SOX5: variants seen among roughly 807,000 people sequenced by gnomAD.
The protein encoded by SOX5 is transcription factor SOX-5.
Under a neutral mutation model 92.0 loss-of-function variants are expected in SOX5, and 9 were observed. The observed-to-expected ratio is 0.10, with a 90% CI of 0.06 to 0.17. The LOEUF (loss-of-function observed/expected upper bound fraction) is 0.17, where lower values mean the gene tolerates loss of function less well. Ranked by LOEUF, SOX5 falls within the 10% of genes least tolerant of loss-of-function variation. SOX5 has a pLI of 1.00. For synonymous variants in SOX5, 344 were observed against 336.3 expected, an observed-to-expected ratio of 1.02 and a Z score of -0.25; for missense variants, 642 against 944.5, an observed-to-expected ratio of 0.68 and a Z score of 4.20.
rs1458415432 is a variant in SOX5 at position 23,665,573 on chromosome 12, C to T, written c.811-9G>A. ...GGCAGCTGACCTTGAACCTGCTGAA[C>T]GTGATAGAGCGAATCAAAGAGAAGA... On this transcript the variant is annotated splice_polypyrimidine_tract_variant and intron_variant, in intron 6 of 14. Coordinates refer to ENST00000451604, the MANE Select transcript of SOX5 (RefSeq NM_006940.6). 10 of 1,599,704 alleles carry T rather than the reference C, an allele frequency of 6.3e-6. No individual in the cohort carries two copies. Among genetic ancestry groups the T allele is most frequent in the East Asian group, 2.2e-5 (1 of 44,704 alleles).
intron 2 of SOX5, among the ~76,000 whole-genome samples, chr12:24,293,864 T>C (rs1238908954): frequency 1.3e-5 from 2 of 152,218 alleles, no homozygotes; most frequent in African/African-American, 4.8e-5. Flanking sequence ...CCTCCTCAAA[T>C]GGCATAAAGT....
At chr12:24,384,095 G>T (rs1358984932) in intron 1 of SOX5, among the ~76,000 whole-genome samples, 2 of 152,166 alleles carry the variant, frequency 1.3e-5, no homozygotes, top group East Asian at 3.9e-4. Flanking sequence ...GTTTCCTGAG[G>T]CCTCTCCAGC....
chr12:23,789,140 AAAAG>A (rs930952276), intron 3 of SOX5, among the ~76,000 whole-genome samples: 45 of 152,114 alleles, frequency 3.0e-4, no homozygotes, highest in African/African-American at 9.9e-4. Context: ...GAGGGCAGAG[AAAAG>A]AAAGAAAGAA....
intron 4 of SOX5, among the ~76,000 whole-genome samples, chr12:24,093,231 C>T (rs1405917133): frequency 6.6e-6 from 1 of 152,014 alleles, no homozygotes; most frequent in Non-Finnish European, 1.5e-5. Context: ...TATAAAAAAC[C>T]TTCAAAGCGG....
intron 10 of SOX5, among the ~76,000 whole-genome samples, chr12:23,568,594 C>T (rs1171307445): frequency 6.6e-6 from 1 of 152,160 alleles, no homozygotes; most frequent in East Asian, 1.9e-4. Context: ...CAGAATTCAT[C>T]ATCTTTCCAT....
At chr12:23,897,370 AT>A (rs2097187990) in intron 1 of SOX5, among the ~76,000 whole-genome samples, 1 of 152,168 alleles carries the variant, frequency 6.6e-6, no homozygotes. Context: ...GTAGAAAAAA[AT>A]AAGGGCTTTA....
At chr12:24,453,153 G>A (rs1432547094) in intron 1 of SOX5, among the ~76,000 whole-genome samples, 1 of 152,104 alleles carries the variant, frequency 6.6e-6, no homozygotes, top group Non-Finnish European at 1.5e-5. Context: ...TGCATTTGTG[G>A]TTAAAACTAC....
At chr12:24,505,515 A>G (rs1478694742) in intron 1 of SOX5, among the ~76,000 whole-genome samples, 4 of 152,216 alleles carry the variant, frequency 2.6e-5, no homozygotes, top group African/African-American at 7.2e-5. Context: ...ATTTAGCCAT[A>G]AGATAGATAA....
intron 1 of SOX5, among the ~76,000 whole-genome samples, chr12:24,426,356 T>C (rs1401240268): frequency 5.9e-5 from 9 of 152,200 alleles, no homozygotes; most frequent in Admixed American, 2.6e-4. Flanking sequence ...AAATACCTAA[T>C]GTAAATGACA....
intron 10 of SOX5, among the ~76,000 whole-genome samples, chr12:23,566,838 T>C (rs1490503387): frequency 6.6e-6 from 1 of 152,212 alleles, no homozygotes; most frequent in African/African-American, 2.4e-5. Context: ...AATTTGGAAA[T>C]TGGATTCAAC....
chr12:23,714,659 T>G lies in SOX5; in HGVS notation c.810+20025A>C, dbSNP rs150783177. ...ACAACAAAAAAAACCCACAACAGTA[T>G]GTCTACACTTGTAATCATTTTCTAT... On this transcript the variant is annotated intron_variant, in intron 6 of 14. Transcript: ENST00000451604. Among the ~76,000 whole-genome samples, 354 of 152,248 alleles carry G rather than the reference T, an allele frequency of 2.3e-3. 2 individuals are homozygous for G. Among genetic ancestry groups the G allele is most frequent in the South Asian group, 7.2e-3 (35 of 4,828 alleles).
intron 2 of SOX5, among the ~76,000 whole-genome samples, chr12:24,322,468 A>G (rs1950295382): frequency 6.6e-6 from 1 of 152,180 alleles, no homozygotes; most frequent in Admixed American, 6.5e-5. Flanking sequence ...GACGGAAATA[A>G]TGGCATCTTT....
intron 2 of SOX5, among the ~76,000 whole-genome samples, chr12:23,860,446 A>G (rs1477504255): frequency 6.6e-6 from 1 of 152,228 alleles, no homozygotes; most frequent in African/African-American, 2.4e-5. Context: ...AGTTGAAACA[A>G]TGATTATGGT....
intron 8 of SOX5, among the ~76,000 whole-genome samples, chr12:23,634,667 T>C (rs554406970): frequency 6.6e-6 from 1 of 152,300 alleles, no homozygotes; most frequent in South Asian, 2.1e-4. Flanking sequence ...TTTTCATATG[T>C]TTATTTCATT....
At chr12:24,305,366 T>C (rs1948450969) in intron 2 of SOX5, among the ~76,000 whole-genome samples, 1 of 152,198 alleles carries the variant, frequency 6.6e-6, no homozygotes, top group Non-Finnish European at 1.5e-5. Flanking sequence ...GTGATGGTGA[T>C]TCTGTTGGAC....
intron 9 of SOX5, among the ~76,000 whole-genome samples, chr12:23,600,522 CATATAT>C (rs371480644): frequency 0.047 from 1,883 of 39,828 alleles, 206 homozygotes; most frequent in African/African-American, 0.16. Context: ...GGGGGGGGTG[CATATAT>C]ATATATATAT....
intron 7 of SOX5, among the ~76,000 whole-genome samples, chr12:23,644,290 A>G (rs1409492975): frequency 4.6e-5 from 7 of 152,160 alleles, no homozygotes; most frequent in African/African-American, 1.7e-4. Context: ...AACAGATTCT[A>G]CCCAGGCCAA....
intron 3 of SOX5, among the ~76,000 whole-genome samples, chr12:24,266,271 T>C (rs1021642284): frequency 2.6e-5 from 4 of 152,188 alleles, no homozygotes; most frequent in African/African-American, 4.8e-5. Context: ...TAACACTATA[T>C]CCCTTTAGCT....
chr12:23,764,200 T>G (rs1419658590), intron 3 of SOX5, among the ~76,000 whole-genome samples: 1 of 152,070 alleles, frequency 6.6e-6, no homozygotes, highest in African/African-American at 2.4e-5. Flanking sequence ...ATTAAAATAT[T>G]TCCAACAAAA....
Sources: allele counts gnomAD v4.1 joint callset (sites outside exome capture counted in the v4.1 genomes callset), GRCh38; gene constraint gnomAD v4.1.1; transcripts MANE v1.5; gene names NCBI Gene and HGNC (gene_info 2026-07-23, HGNC 2026-07-21).